The following ADGRD1 variants were observed in gnomAD, a reference collection of about 807,000 sequenced individuals.
The protein encoded by ADGRD1 is G-protein coupled receptor 133.
In ADGRD1, 77 loss-of-function variants were observed where a neutral mutation model predicts 113.4. The observed-to-expected ratio is 0.68, with a 90% confidence interval of 0.57 to 0.82. The LOEUF is 0.82. ADGRD1 is among the 40% of genes least tolerant of loss of function. The probability of loss-of-function intolerance (pLI) is 0.00; values close to 1 mark genes in which losing one functional copy is unlikely to be tolerated. For missense variants in ADGRD1, 1,036 were observed against 1,139.1 expected (o/e 0.91, Z 1.30); for synonymous variants, 474 against 475.0 (o/e 1.00, Z 0.03).
rs529219559 is a variant in ADGRD1 at position 130,971,968 on chromosome 12, G to C, written c.310+388G>C. Among the ~76,000 whole-genome samples the C allele has an allele frequency of 6.6e-6, 1 of 152,170 alleles. No homozygotes were observed. Among genetic ancestry groups the C allele is most frequent in the Non-Finnish European group, 1.5e-5 (1 of 68,024 alleles). On this transcript the variant is annotated intron_variant, in intron 4 of 24. Coordinates refer to ENST00000261654, the MANE Select transcript of ADGRD1 (RefSeq NM_198827.5). This position sits in a 1 kb window ranked among gnomAD's most constrained non-coding sequence, Gnocchi z 4.2. ...TGATTTCTGGCTCTGGGATGTTGACGGTGAGCGGGCAGGGCATACCCAAGA... is the reference window on the plus strand; with the variant it reads ...TGATTTCTGGCTCTGGGATGTTGACCGTGAGCGGGCAGGGCATACCCAAGA...
intron 20 of ADGRD1, among the ~76,000 whole-genome samples, chr12:131,128,842 G>GCTGTCTGGGTGTGGACGGCAGCCCCA (rs1950815884): frequency 6.6e-6 from 1 of 151,814 alleles, no homozygotes; most frequent in African/African-American, 2.4e-5. Context: ...CAGCAGCCCT[G>GCTGTCTGGGTGTGGACGGCAGCCCCA]CCCTGCTGTC....
Position 130,966,885 on chromosome 12 carries a change from G to A in ADGRD1, c.187+339G>A, listed in dbSNP as rs981136560. 7 of 430,716 alleles carry A rather than the reference G, an allele frequency of 1.6e-5. 1 individual carries two copies. The highest frequency in any genetic ancestry group is 2.8e-5 in the Non-Finnish European group (6 of 211,528). 26.7% of individuals were successfully genotyped at this position (430,716 alleles called of 1,614,324 possible). A position where few individuals can be genotyped will look rare whatever the true frequency, so the allele number is the denominator to read the frequency against. On this transcript the variant is annotated intron_variant, in intron 3 of 24. Transcript: ENST00000261654. This position sits in a 1 kb window ranked among gnomAD's most constrained non-coding sequence, Gnocchi z 4.6. ...TCCTCTGGCCTTGGCCTCCCAAAGT[G>A]CTGGAATTACAGGCGTGAGCCACTG...
intron 13 of ADGRD1, 109 bp downstream of exon 13, chr12:131,014,449 C>T (rs370774623): frequency 8.0e-5 from 82 of 1,031,248 alleles, no homozygotes; most frequent in Middle Eastern, 6.8e-4. Flanking sequence ...GCCTTGGTGC[C>T]GGCCCGAACT....
chr12:131,137,792 G>T (rs1412918070), intron 23 of ADGRD1: 1 of 314,688 alleles, frequency 3.2e-6, no homozygotes, highest in East Asian at 7.7e-5. Flanking sequence ...GTGGCAGGAA[G>T]GCAGTGCAGC....
At position 131,036,642 on chromosome 12, in the gene ADGRD1, C is replaced by T. The variant is rs563972296; in HGVS notation, c.1473+22302C>T. Among the ~76,000 whole-genome samples the T allele has an allele frequency of 3.2e-3, 437 of 138,198 alleles. 1 individual carries two copies. Among genetic ancestry groups the T allele is most frequent in the Middle Eastern group, 8.2e-3 (2 of 244 alleles). The allele number at this position is 138,198 out of a possible 152,430, so 90.7% of individuals were successfully genotyped here. A position where few individuals can be genotyped will look rare whatever the true frequency, so the allele number is the denominator to read the frequency against. On this transcript the variant is annotated intron_variant, in intron 13 of 24. Transcript: ENST00000261654. ...ACCGCACCAGGCCTCACTCACTGCA[C>T]GGGGCCTCACTCACTGCACGGGGCC...
Position 130,991,017 on chromosome 12 carries a change from A to G in ADGRD1, c.749A>G (p.Lys250Arg). The change falls in exon 7 of 25, where the codon AAG becomes AGG. Residue 250 changes from lysine to arginine, a missense_variant. Coordinates refer to ENST00000261654, the MANE Select transcript of ADGRD1 (RefSeq NM_198827.5). ...IAMYFTAAIG[K>R]HALLSSTLPS... is the part of the protein sequence containing the mutation. ...AATCCAGCATTGTTTCTTCCAGGAA[A>G]GCATGCTTTATTGTCTTCAACGCTG... 6.2e-7 allele frequency: 1 copy of G among 1,613,824 alleles called. No individual in the cohort carries two copies. Among genetic ancestry groups the G allele is most frequent in the Non-Finnish European group, 8.5e-7 (1 of 1,179,768 alleles).
intron 3 of ADGRD1, chr12:130,970,649 T>TA (rs1871506439): frequency 6.6e-6 from 1 of 152,168 alleles, no homozygotes; most frequent in Admixed American, 6.5e-5. Flanking sequence ...TGACCCCAGT[T>TA]AACAGTAAAT....
At chr12:130,964,376 C>T (rs1870763268) in intron 2 of ADGRD1, among the ~76,000 whole-genome samples, 2 of 152,094 alleles carry the variant, frequency 1.3e-5, no homozygotes, top group Admixed American at 1.3e-4. Flanking sequence ...AATAATATTT[C>T]TCCTCTAATT....
At chr12:130,994,432 C>T (rs1036437904) in intron 8 of ADGRD1, among the ~76,000 whole-genome samples, 1 of 152,220 alleles carries the variant, frequency 6.6e-6, no homozygotes, top group Non-Finnish European at 1.5e-5. Context: ...GCTTCATGCC[C>T]ACTTGGCACT....
chr12:130,973,739 T>G (rs1871963436), intron 4 of ADGRD1, among the ~76,000 whole-genome samples: 1 of 152,164 alleles, frequency 6.6e-6, no homozygotes, highest in Admixed American at 6.5e-5. Flanking sequence ...TTTTGTGTCA[T>G]GGTTAAGCAG....
At chr12:131,109,705 T>C in intron 18 of ADGRD1, among the ~76,000 whole-genome samples, 1 of 152,252 alleles carries the variant, frequency 6.6e-6, no homozygotes, top group East Asian at 1.9e-4. Context: ...ATGTATATTC[T>C]GCTGTTGGAT....
At chr12:131,016,415 C>T (rs576833769) in intron 13 of ADGRD1, among the ~76,000 whole-genome samples, 1 of 152,340 alleles carries the variant, frequency 6.6e-6, no homozygotes, top group South Asian at 2.1e-4. Flanking sequence ...TTTGTGTCTT[C>T]TCTTTGTGTG....
chr12:131,017,443 C>T (rs1878723735), intron 13 of ADGRD1, among the ~76,000 whole-genome samples: 1 of 150,254 alleles, frequency 6.7e-6, no homozygotes, highest in Non-Finnish European at 1.5e-5. Context: ...ACACCCAGTC[C>T]ACATACACCC....
At chr12:131,098,384 T>C (rs1351661302) in intron 15 of ADGRD1, among the ~76,000 whole-genome samples, 1 of 151,682 alleles carries the variant, frequency 6.6e-6, no homozygotes, top group Non-Finnish European at 1.5e-5. Flanking sequence ...GGGGTTTGAG[T>C]CTGAGACTCA....
chr12:131,139,028 G>C, intron 24 of ADGRD1, 140 bp from the exon 25 acceptor site: 1 of 630,988 alleles, frequency 1.6e-6, no homozygotes, highest in Non-Finnish European at 2.8e-6. Context: ...GGAGCATGGG[G>C]GCTCCCTTCT....
intron 15 of ADGRD1, among the ~76,000 whole-genome samples, chr12:131,093,826 G>A (rs1040652024): frequency 1.3e-5 from 2 of 152,242 alleles, no homozygotes; most frequent in Non-Finnish European, 2.9e-5. Flanking sequence ...CCTTGGGCAG[G>A]TGCCTGCTCT....
chr12:131,006,656 G>T (rs1447486382), intron 12 of ADGRD1, among the ~76,000 whole-genome samples: 4 of 151,580 alleles, frequency 2.6e-5, no homozygotes, highest in African/African-American at 9.7e-5. Context: ...GGAGAGCAAG[G>T]AGGGTGGGGA....
chr12:131,085,366 G>A (rs2137217479), intron 15 of ADGRD1, among the ~76,000 whole-genome samples: 1 of 152,328 alleles, frequency 6.6e-6, no homozygotes, highest in Admixed American at 6.5e-5. Flanking sequence ...GGGGCAGGAA[G>A]GGGCTTGGCA....
At chr12:131,033,135 A>G (rs1049901493) in intron 13 of ADGRD1, among the ~76,000 whole-genome samples, 6 of 152,198 alleles carry the variant, frequency 3.9e-5, no homozygotes, top group African/African-American at 1.2e-4. Flanking sequence ...GGTCTCCTGC[A>G]TGCCCACCCT....
Sources: allele counts gnomAD v4.1 joint callset (sites outside exome capture counted in the v4.1 genomes callset), GRCh38; gene constraint gnomAD v4.1.1; non-coding constraint Gnocchi (gnomAD v3.1); transcripts MANE v1.5; gene names NCBI Gene and HGNC (gene_info 2026-07-23, HGNC 2026-07-21).